BBS4: variants seen among roughly 807,000 people sequenced by gnomAD.
BBS4 encodes the protein Bardet-Biedl syndrome 4, also known as BBSome complex member BBS4.
A neutral mutation model predicts 71.4 loss-of-function variants in BBS4; 58 were observed. The observed-to-expected ratio is 0.81, with a 90% CI of 0.66 to 1.01. The LOEUF (loss-of-function observed/expected upper bound fraction) is 1.01, where lower values mean the gene tolerates loss of function less well. Ranked by LOEUF, BBS4 falls within the 50% of genes least tolerant of loss-of-function variation. The pLI is 0.00. For missense variants in BBS4, 660 were observed against 607.9 expected (o/e 1.09, Z -0.90); for synonymous variants, 228 against 216.8 (o/e 1.05, Z -0.46).
chr15:72,709,808 A>T, intron 3 of BBS4, 29 bp downstream of exon 3: 3 of 1,586,466 alleles, frequency 1.9e-6, no homozygotes, highest in Non-Finnish European at 2.6e-6. Flanking sequence ...AATAAAAATG[A>T]GAGGCAGGAT....
In BBS4 at chr15:72,724,628, C is replaced by A; in HGVS notation, c.560C>A (p.Ala187Asp). The A allele has an allele frequency of 6.2e-7, 1 of 1,613,952 alleles. No individual in the cohort carries two copies. The highest frequency in any genetic ancestry group is 8.5e-7 in the Non-Finnish European group (1 of 1,179,946). ...IHLLEGDLDK[A>D]IEVYKKAVEF... is the part of the protein sequence containing the mutation. ...TTGCTGGAGGGAGACTTGGACAAGG[C>A]CATTGAAGTCTACAAGAAAGCAGTG... Residue 187 changes from alanine to aspartate, a missense_variant, in exon 8 of 16, where the codon GCC becomes GAC. Transcript: ENST00000268057.
rs141245789 is a variant in BBS4, at chr15:72,713,756, C to T, written c.220+1449C>T. 7.2e-3 allele frequency among the ~76,000 whole-genome samples: 1,092 copies of T among 152,254 alleles called. 9 individuals are homozygous for T. Among genetic ancestry groups the T allele is most frequent in the African/African-American group, 0.024 (1,014 of 41,542 alleles). ...CATTGCACTGTTTTGATTGCTATGA[C>T]GTCACTGGGCAATAGGAATTTTTCC... On this transcript the variant is annotated intron_variant, in intron 4 of 15. Transcript: ENST00000268057.
intron 1 of BBS4, among the ~76,000 whole-genome samples, chr15:72,687,479 C>T (rs2064880492): frequency 6.6e-6 from 1 of 151,580 alleles, no homozygotes; most frequent in Non-Finnish European, 1.5e-5. Flanking sequence ...TGGCGCTCGC[C>T]TGTAATCCCA....
In BBS4 at chr15:72,701,088, T is replaced by G. The variant is rs115646852; in HGVS notation, c.76+5860T>G. On this transcript the variant is annotated intron_variant, in intron 2 of 15. Transcript: ENST00000268057. ...AGATTAAGGTATAGAATATTATCAG[T>G]GCCCTCCAGGCCGCCTCCTTATTCC... Among the ~76,000 whole-genome samples the G allele has an allele frequency of 8.1e-4, 123 of 152,328 alleles. 1 individual carries two copies. Among genetic ancestry groups the G allele is most frequent in the African/African-American group, 2.8e-3 (118 of 41,582 alleles).
intron 14 of BBS4, among the ~76,000 whole-genome samples, chr15:72,736,365 CCAAGTA>C: frequency 6.6e-6 from 1 of 151,676 alleles, no homozygotes; most frequent in South Asian, 2.1e-4. Flanking sequence ...CCTCAGCCTT[CCAAGTA>C]GCTGGGACTA....
At chr15:72,729,895 G>A (rs544697680) in intron 10 of BBS4, among the ~76,000 whole-genome samples, 3 of 152,110 alleles carry the variant, frequency 2.0e-5, no homozygotes, top group Non-Finnish European at 4.4e-5. Context: ...TATAATAGAC[G>A]TGTAACCCCT....
chr15:72,704,747 G>A (rs972588239), intron 2 of BBS4, among the ~76,000 whole-genome samples: 12 of 152,000 alleles, frequency 7.9e-5, no homozygotes, highest in African/African-American at 2.9e-4. Flanking sequence ...GAGCATAGTG[G>A]CATGTGCCTG....
At chr15:72,731,207 A>G (rs1173299280) in intron 10 of BBS4, 98 bp from the exon 11 acceptor site, 4 of 1,475,270 alleles carry the variant, frequency 2.7e-6, no homozygotes, top group East Asian at 4.6e-5. Flanking sequence ...AGTCCCATCT[A>G]TGCTGATGGG....
chr15:72,699,238 C>T (rs1436640367), intron 2 of BBS4, among the ~76,000 whole-genome samples: 1 of 152,024 alleles, frequency 6.6e-6, no homozygotes, highest in Non-Finnish European at 1.5e-5. Flanking sequence ...AGGTGCCCAC[C>T]ACCATGCCTG....
intron 6 of BBS4, among the ~76,000 whole-genome samples, chr15:72,719,998 C>G (rs2065538697): frequency 6.6e-6 from 1 of 151,684 alleles, no homozygotes; most frequent in Admixed American, 6.6e-5. Flanking sequence ...ATCCGCCCAC[C>G]TTGGCCTCCC....
intron 1 of BBS4, among the ~76,000 whole-genome samples, chr15:72,694,810 C>G (rs934765671): frequency 1.3e-5 from 2 of 151,936 alleles, no homozygotes; most frequent in African/African-American, 4.8e-5. Flanking sequence ...TTCCTTTTAT[C>G]AAACAGCGAT....
Position 72,729,560 on chromosome 15 carries a change from C to A in BBS4, c.643-56C>A, listed in dbSNP as rs535166635. The A allele has an allele frequency of 2.2e-5, 35 of 1,565,208 alleles. No homozygotes were observed. In the African/African-American group the frequency reaches 4.2e-4, roughly 19 times the overall value. ...CCACCACGCCTGGTCTGGCCAGACT[C>A]TTTTAACTGCCGTCTCCTTGCTGAT... On this transcript the variant is annotated intron_variant, in intron 9 of 15. Transcript: ENST00000268057.
In BBS4 at chr15:72,731,358, C is replaced by T; in HGVS notation, c.765C>T (p.Ala255=). ...AGACCCACGGGGACTTTGATGTTGC[C>T]CTCACCAAATACAGAGTTGTGGCTT... ...MMQTHGDFDV[A]LTKYRVVACA... The change falls in exon 11 of 16, where the codon GCC becomes GCT. Residue 255 remains alanine (A), a synonymous_variant. Transcript: ENST00000268057. 4.3e-6 allele frequency: 7 copies of T among 1,614,034 alleles called. No individual in the cohort carries two copies. Among genetic ancestry groups the T allele is most frequent in the Non-Finnish European group, 5.1e-6 (6 of 1,180,014 alleles).
At chr15:72,736,238 CTTTTT>C (rs35502034) in intron 14 of BBS4, among the ~76,000 whole-genome samples, 4 of 113,464 alleles carry the variant, frequency 3.5e-5, no homozygotes, top group Admixed American at 9.8e-5. Flanking sequence ...TTCTATTTCA[CTTTTT>C]TTTTTTTTTT....
At chr15:72,737,070 A>C in intron 15 of BBS4, 107 bp downstream of exon 15, 2 of 1,349,212 alleles carry the variant, frequency 1.5e-6, no homozygotes, top group Middle Eastern at 2.4e-4. Flanking sequence ...CATATGTCCA[A>C]CGTAGTATTG....
At chr15:72,688,396 G>A (rs2064913919) in intron 1 of BBS4, among the ~76,000 whole-genome samples, 1 of 121,046 alleles carries the variant, frequency 8.3e-6, no homozygotes, top group African/African-American at 2.8e-5. Context: ...GTCCTTTTAG[G>A]AAGTGGTATT....
chr15:72,722,979 AT>A, intron 7 of BBS4, 132 bp downstream of exon 7: 5 of 747,116 alleles, frequency 6.7e-6, no homozygotes, highest in East Asian at 2.6e-5. Context: ...ACCTTTATAC[AT>A]TTTTTTCTGT....
At chr15:72,709,351 A>G (rs76660820) in intron 2 of BBS4, among the ~76,000 whole-genome samples, 9 of 152,200 alleles carry the variant, frequency 5.9e-5, no homozygotes, top group East Asian at 3.8e-4. Context: ...CATTCCTGCA[A>G]TCTCCTTTAG....
chr15:72,703,191 C>A (rs1472284278), intron 2 of BBS4, among the ~76,000 whole-genome samples: 1 of 152,116 alleles, frequency 6.6e-6, no homozygotes, highest in East Asian at 1.9e-4. Flanking sequence ...AGTGGAGGAA[C>A]TGGCAGGAGA....
Sources: allele counts gnomAD v4.1 joint callset (sites outside exome capture counted in the v4.1 genomes callset), GRCh38; gene constraint gnomAD v4.1.1; transcripts MANE v1.5; gene names NCBI Gene and HGNC (gene_info 2026-07-23, HGNC 2026-07-21).